PAM16: variants seen among roughly 807,000 people sequenced by gnomAD.
PAM16 encodes presequence translocase associated motor 16.
A neutral mutation model predicts 17.9 loss-of-function variants in PAM16; 11 were observed. That is an observed-to-expected ratio of 0.62 (90% CI 0.39 to 1.02). The LOEUF is 1.02. PAM16 is among the 50% of genes least tolerant of loss of function. The pLI, the probability that PAM16 is intolerant of heterozygous loss-of-function variation, is 0.01. For missense variants in PAM16, 199 were observed against 165.4 expected (o/e 1.20, Z -1.11); for synonymous variants, 72 against 67.4 (o/e 1.07, Z -0.34).
At chr16:4,349,228 T>C (rs1255815616) in intron 1 of PAM16, among the ~76,000 whole-genome samples, 1 of 152,024 alleles carries the variant, frequency 6.6e-6, no homozygotes, top group Non-Finnish European at 1.5e-5. Flanking sequence ...GTGCTGGGAT[T>C]ACAGGTGTGA....
At chr16:4,343,636 G>T in intron 1 of PAM16, 1 of 1,186,064 alleles carries the variant, frequency 8.4e-7, no homozygotes, top group Non-Finnish European at 1.1e-6. Flanking sequence ...AGAACACAGG[G>T]ACAGCCCTGG....
At chr16:4,341,264 C>T in intron 3 of PAM16, 104 bp downstream of exon 3, 2 of 1,478,322 alleles carry the variant, frequency 1.4e-6, no homozygotes, top group Middle Eastern at 2.0e-4. Flanking sequence ...GAGCTGGGTG[C>T]AGCTGCAGCC....
intron 1 of PAM16, chr16:4,343,732 C>T: frequency 2.3e-6 from 1 of 436,016 alleles, no homozygotes; most frequent in South Asian, 9.0e-5. Context: ...CTTTACTTTA[C>T]CAACGGGGAA....
In PAM16 at chr16:4,340,282, A is replaced by G. The variant is rs2053620973; in HGVS notation, c.*37T>C. The G allele has an allele frequency of 3.4e-6, 5 of 1,466,024 alleles. No homozygotes were observed. The East Asian group carries it at 1.5e-4, about 43-fold the overall frequency. The allele number at this position is 1,466,024 out of a possible 1,614,324, so 90.8% of individuals were successfully genotyped here. A position where few individuals can be genotyped will look rare whatever the true frequency, so the allele number is the denominator to read the frequency against. ...AAAGAAATTTATTACCAAGCTATAA[A>G]TTAGAGGCGGCGGGGTGGGCGGGGG... On this transcript the variant is annotated 3_prime_UTR_variant, in exon 5 of 5. Transcript: ENST00000318059.
At chr16:4,350,865 G>A (rs2053843234) in intron 1 of PAM16, 1 of 204,394 alleles carries the variant, frequency 4.9e-6, no homozygotes, top group African/African-American at 2.3e-5. Context: ...GCTTTCCACT[G>A]GGGATAACAA....
chr16:4,343,258 C>T lies in PAM16; in HGVS notation c.37G>A (p.Val13Met), dbSNP rs779163926. The change falls in exon 2 of 5, where the codon GTG becomes ATG. Residue 13 changes from valine (V) to methionine (M), a missense_variant. Val to Met is a conservative substitution (Grantham distance 21, BLOSUM62 1). Coordinates refer to ENST00000318059, the MANE Select transcript of PAM16 (RefSeq NM_016069.11). ...GCAAAGGCCCTGCCCACCACCTGCA[C>T]GCCCATCACAATGATCTGGGCCAGG... ...KYLAQIIVMGVQVVGRAFARA... is the reference protein window; with the variant it reads ...KYLAQIIVMGMQVVGRAFARA... The T allele has an allele frequency of 1.7e-5, 28 of 1,612,720 alleles. No individual in the cohort carries two copies. Among genetic ancestry groups the T allele is most frequent in the Admixed American group, 6.7e-5 (4 of 60,030 alleles).
Position 4,347,730 on chromosome 16 carries a change from C to T in PAM16, c.3+3502G>A, listed in dbSNP as rs1440202510. The T allele has an allele frequency of 2.6e-5, 4 of 152,270 alleles. No homozygotes were observed. In the East Asian group the frequency reaches 7.7e-4, roughly 29 times the overall value. 9.4% of individuals were successfully genotyped at this position (152,270 alleles called of 1,614,324 possible). On this transcript the variant is annotated intron_variant, in intron 1 of 4. Coordinates refer to ENST00000318059, the MANE Select transcript of PAM16 (RefSeq NM_016069.11). The stretch of plus-strand genomic sequence containing the variant: ...CACTGCCTGAGGCCCCTCCCAGAGG[C>T]TCCAAACATCCCATAGTCCACCGAC...
rs956074825 is a variant in PAM16, at chr16:4,350,546, G to A, written c.3+686C>T. Among the ~76,000 whole-genome samples, 8 of 151,876 alleles carry A rather than the reference G, an allele frequency of 5.3e-5. 1 individual carries two copies. The highest frequency in any genetic ancestry group is 4.6e-4 in the Admixed American group (7 of 15,222). The stretch of plus-strand genomic sequence containing the variant: ...CTCCCGGGTAGCTTGGACTACAGGC[G>A]CGCACCACCCCACCCGGCTAATTTT... On this transcript the variant is annotated intron_variant, in intron 1 of 4. Coordinates refer to ENST00000318059, the MANE Select transcript of PAM16 (RefSeq NM_016069.11).
At position 4,341,509 on chromosome 16, in the gene PAM16, G is replaced by A; in HGVS notation, c.89-5C>T. On this transcript the variant is annotated splice_polypyrimidine_tract_variant and splice_region_variant and intron_variant, in intron 2 of 4. Transcript: ENST00000318059. ...CATCAGCTGCGGCCCGGCTGGCTGTGTGGACATGTGGGTGATCGCTCAGTC... is the reference window on the plus strand; with the variant it reads ...CATCAGCTGCGGCCCGGCTGGCTGTATGGACATGTGGGTGATCGCTCAGTC... 6.2e-7 allele frequency: 1 copy of A among 1,605,026 alleles called. No individual in the cohort carries two copies.
At chr16:4,343,943 A>G in intron 1 of PAM16, 4 of 398,020 alleles carry the variant, frequency 1.0e-5, no homozygotes, top group Non-Finnish European at 1.8e-5. Context: ...ATTCATTCAA[A>G]CATCTGCTGA....
intron 1 of PAM16, among the ~76,000 whole-genome samples, chr16:4,344,604 GTGTGAGGGGGGGTTC>G (rs1375399877): frequency 1.1e-3 from 42 of 37,256 alleles, no homozygotes; most frequent in Non-Finnish European, 1.1e-3. Flanking sequence ...GGAGGGGATT[GTGTGAGGGGGGGTTC>G]TGTGAGAGGA....
rs1243776136 is a variant in PAM16 at position 4,341,610 on chromosome 16, CAG to C, written c.89-108_89-107del. 4 of 1,472,002 alleles carry C rather than the reference CAG, an allele frequency of 2.7e-6. No individual in the cohort carries two copies. The Admixed American group carries it at 8.8e-5, about 32-fold the overall frequency. The allele number at this position is 1,472,002 out of a possible 1,614,324, so 91.2% of individuals were successfully genotyped here. On this transcript the variant is annotated intron_variant, in intron 2 of 4. Transcript: ENST00000318059. ...TGCCACCAGCACAGGATGAGAGACA[CAG>C]GGACAGGTGGCTAGGAGCTGCCTCT...
intron 1 of PAM16, among the ~76,000 whole-genome samples, chr16:4,350,409 AT>A (rs970804357): frequency 1.0e-4 from 15 of 148,364 alleles, no homozygotes; most frequent in South Asian, 8.5e-4. Flanking sequence ...CATATATATA[AT>A]TTTTTTTTTG....
chr16:4,342,147 G>A (rs962370050), intron 2 of PAM16, among the ~76,000 whole-genome samples: 1 of 151,964 alleles, frequency 6.6e-6, no homozygotes, highest in Non-Finnish European at 1.5e-5. Flanking sequence ...TCAAGAGATC[G>A]AGACCATCCT....
In PAM16 at chr16:4,343,289, G is replaced by C; in HGVS notation, c.6C>G (p.Ala2=). 1 of 1,609,228 alleles carries C rather than the reference G, an allele frequency of 6.2e-7. No individual in the cohort carries two copies. Among genetic ancestry groups the C allele is most frequent in the African/African-American group, 1.3e-5 (1 of 74,990 alleles). The change falls in exon 2 of 5, where the codon GCC becomes GCG. Residue 2 remains alanine, a splice_region_variant and synonymous_variant. Transcript: ENST00000318059. ...TCACAATGATCTGGGCCAGGTACTT[G>C]GCCTGTGGGCAAAGCAGGCACCCGG... M[A]KYLAQIIVMG... is the part of the protein sequence containing the mutation.
At chr16:4,340,491 C>A in intron 4 of PAM16, 86 bp from the exon 5 acceptor site, 1 of 1,467,220 alleles carries the variant, frequency 6.8e-7, no homozygotes, top group South Asian at 1.2e-5. Context: ...TCCCATCAGC[C>A]CAGGTCCATT....
intron 2 of PAM16, 158 bp from the exon 3 acceptor site, chr16:4,341,662 G>A: frequency 7.9e-7 from 1 of 1,265,394 alleles, no homozygotes; most frequent in Non-Finnish European, 1.1e-6. Flanking sequence ...TTCCTTTTTA[G>A]GGGGTAGAGG....
intron 1 of PAM16, among the ~76,000 whole-genome samples, chr16:4,344,778 G>A (rs1469664990): frequency 2.2e-4 from 16 of 74,414 alleles, no homozygotes; most frequent in African/African-American, 7.8e-4. Flanking sequence ...AGAGGAGGGG[G>A]TTCTGTGAGA....
At chr16:4,341,141 G>A (rs905857408) in intron 3 of PAM16, among the ~76,000 whole-genome samples, 156 bp from the exon 4 acceptor site, 1 of 152,158 alleles carries the variant, frequency 6.6e-6, no homozygotes, top group Non-Finnish European at 1.5e-5. Context: ...AGATGGGGAC[G>A]GGTACCCTGG....
Sources: allele counts gnomAD v4.1 joint callset (sites outside exome capture counted in the v4.1 genomes callset), GRCh38; gene constraint gnomAD v4.1.1; transcripts MANE v1.5; gene names NCBI Gene and HGNC (gene_info 2026-07-23, HGNC 2026-07-21).